Variants in TRABD2B observed in about 807,000 individuals in gnomAD.
TRABD2B encodes metalloprotease TIKI2.
TRABD2B carries 14 observed loss-of-function variants against 40.1 expected under a neutral mutation model. That is an observed-to-expected ratio of 0.35 (90% CI 0.23 to 0.55). The LOEUF is 0.55. Among genes scored for constraint, TRABD2B ranks in the 20% least tolerant of loss-of-function variants. The pLI, the probability that TRABD2B is intolerant of heterozygous loss-of-function variation, is 0.90. For missense variants in TRABD2B, 541 were observed against 648.6 expected (o/e 0.83, Z 1.80); for synonymous variants, 263 against 277.0 (o/e 0.95, Z 0.50).
At chr1:47,884,675 G>A (rs1299712602) in intron 2 of TRABD2B, among the ~76,000 whole-genome samples, 3 of 152,020 alleles carry the variant, frequency 2.0e-5, no homozygotes, top group African/African-American at 7.2e-5. Context: ...GTGCAGTGTT[G>A]CGATCTCGGC....
chr1:47,878,198 C>T (rs1317226415), intron 2 of TRABD2B, among the ~76,000 whole-genome samples: 1 of 152,176 alleles, frequency 6.6e-6, no homozygotes, highest in Non-Finnish European at 1.5e-5. Context: ...CACCTGTAAT[C>T]CCAGCTACTT....
intron 2 of TRABD2B, among the ~76,000 whole-genome samples, chr1:47,856,280 C>A (rs1443049194): frequency 6.6e-6 from 1 of 152,240 alleles, no homozygotes; most frequent in Non-Finnish European, 1.5e-5. Flanking sequence ...ATCTCTCTGC[C>A]TCCCTTGCCA....
intron 2 of TRABD2B, among the ~76,000 whole-genome samples, chr1:47,836,079 G>T (rs750299809): frequency 2.0e-5 from 3 of 152,142 alleles, no homozygotes; most frequent in Non-Finnish European, 4.4e-5. Flanking sequence ...ATATATTATT[G>T]TCATTAAGTT....
At chr1:47,991,306 C>A (rs943321439) in intron 2 of TRABD2B, among the ~76,000 whole-genome samples, 1 of 152,062 alleles carries the variant, frequency 6.6e-6, no homozygotes, top group African/African-American at 2.4e-5. Flanking sequence ...GTGCCTGGCA[C>A]GTGGAATTGA....
chr1:47,941,413 T>C (rs184434439), intron 2 of TRABD2B, among the ~76,000 whole-genome samples: 2 of 152,246 alleles, frequency 1.3e-5, no homozygotes, highest in African/African-American at 2.4e-5. Flanking sequence ...CTCGCAGACA[T>C]ACATGTACAC....
At position 47,765,954 on chromosome 1, in the gene TRABD2B, A is replaced by ATGG. The variant is rs1052993632; in HGVS notation, c.1499_1501dup (p.Ala500_Ile501insThr). On this transcript the variant is annotated inframe_insertion, in exon 7 of 7. Transcript: ENST00000606738. ...GAAGCAGACAGCGATGGTGGTGGCG[A>ATGG]TGGCGGGGAGAAGGCCCAGGGTGGG... The ATGG allele has an allele frequency of 6.1e-5, 43 of 702,734 alleles. No individual in the cohort carries two copies. Among genetic ancestry groups the ATGG allele is most frequent in the Non-Finnish European group, 1.1e-4 (41 of 384,948 alleles). The allele number at this position is 702,734 out of a possible 1,614,324, so 43.5% of individuals were successfully genotyped here.
chr1:47,872,087 T>G (rs1309160124), intron 2 of TRABD2B, among the ~76,000 whole-genome samples: 2 of 152,162 alleles, frequency 1.3e-5, no homozygotes, highest in African/African-American at 4.8e-5. Flanking sequence ...ACCAGGTGTG[T>G]GATGTGTCGG....
At chr1:47,921,729 G>C (rs142043417) in intron 2 of TRABD2B, among the ~76,000 whole-genome samples, 2 of 152,294 alleles carry the variant, frequency 1.3e-5, no homozygotes, top group Admixed American at 6.5e-5. Flanking sequence ...CTATGTGTGC[G>C]ATGGAGTGTG....
rs1263651050 is a variant in TRABD2B at position 47,966,181 on chromosome 1, G to A, written c.666+27853C>T. ...GGGCTGTGTGTTATGACGTCTGGAAGTGCCAGGGCAGGGGGCTGTGGGAAC... is the reference window on the plus strand; with the variant it reads ...GGGCTGTGTGTTATGACGTCTGGAAATGCCAGGGCAGGGGGCTGTGGGAAC... On this transcript the variant is annotated intron_variant, in intron 2 of 6. Transcript: ENST00000606738. Among the ~76,000 whole-genome samples the A allele has an allele frequency of 4.6e-5, 7 of 152,300 alleles. No homozygotes were observed. In the East Asian group the frequency reaches 1.2e-3, roughly 25 times the overall value.
chr1:47,808,430 G>C (rs923867944), intron 2 of TRABD2B, among the ~76,000 whole-genome samples: 4 of 152,140 alleles, frequency 2.6e-5, no homozygotes, highest in African/African-American at 9.7e-5. Context: ...AAATAAAGCA[G>C]TAAATTGGAT....
chr1:47,856,464 T>A (rs1238948915), intron 2 of TRABD2B, among the ~76,000 whole-genome samples: 1 of 152,226 alleles, frequency 6.6e-6, no homozygotes, highest in African/African-American at 2.4e-5. Flanking sequence ...ATTTAGGATA[T>A]GTTTGGGCTT....
intron 2 of TRABD2B, among the ~76,000 whole-genome samples, chr1:47,846,881 C>CAG (rs1645478579): frequency 6.6e-6 from 1 of 151,796 alleles, no homozygotes; most frequent in Non-Finnish European, 1.5e-5. Flanking sequence ...CACACACACA[C>CAG]ACACACACAC....
intron 2 of TRABD2B, among the ~76,000 whole-genome samples, chr1:47,930,582 T>C (rs1471740641): frequency 6.6e-6 from 1 of 152,216 alleles, no homozygotes; most frequent in Admixed American, 6.5e-5. Context: ...CAGAACTGGC[T>C]GTGTGACAGG....
intron 2 of TRABD2B, among the ~76,000 whole-genome samples, chr1:47,935,235 AC>A (rs2148348749): frequency 6.6e-6 from 1 of 152,356 alleles, no homozygotes; most frequent in South Asian, 2.1e-4. Context: ...GGAGAAAGGC[AC>A]TATCCTTATC....
chr1:47,761,924 C>T lies in TRABD2B; in HGVS notation c.*3978G>A, dbSNP rs1644248145. ...CTCTCTACACATCTGTTGAGCACCA[C>T]CTTTGTGTCAGATGAGGGTACAAAA... On this transcript the variant is annotated 3_prime_UTR_variant, in exon 7 of 7. Coordinates refer to ENST00000606738, the MANE Select transcript of TRABD2B (RefSeq NM_001194986.2). The T allele has an allele frequency of 6.6e-6, 1 of 152,180 alleles. No homozygotes were observed. The highest frequency in any genetic ancestry group is 6.5e-5 in the Admixed American group (1 of 15,274). 9.4% of individuals were successfully genotyped at this position (152,180 alleles called of 1,614,324 possible).
intron 2 of TRABD2B, among the ~76,000 whole-genome samples, chr1:47,972,298 C>T (rs1417560907): frequency 1.3e-5 from 2 of 152,184 alleles, no homozygotes; most frequent in African/African-American, 4.8e-5. Flanking sequence ...GCAGCAGTAT[C>T]CACCTACTTT....
At chr1:47,974,533 T>C (rs1269873885) in intron 2 of TRABD2B, among the ~76,000 whole-genome samples, 1 of 152,214 alleles carries the variant, frequency 6.6e-6, no homozygotes, top group Non-Finnish European at 1.5e-5. Context: ...GACCTAAAAT[T>C]ATTTATTAAT....
chr1:47,764,250 GCCT>G lies in TRABD2B; in HGVS notation c.*1649_*1651del, dbSNP rs1644274992. The G allele has an allele frequency of 6.6e-6, 1 of 152,282 alleles. No individual in the cohort carries two copies. The highest frequency in any genetic ancestry group is 2.4e-5 in the African/African-American group (1 of 41,476). The allele number at this position is 152,282 out of a possible 1,614,324, so 9.4% of individuals were successfully genotyped here. A position where few individuals can be genotyped will look rare whatever the true frequency, so the allele number is the denominator to read the frequency against. ...GTCAGCAGGCCCACCCGGCTGTGCA[GCCT>G]TGGAGAAGTGTCTCCTCTCTGTGGG... On this transcript the variant is annotated 3_prime_UTR_variant, in exon 7 of 7. Transcript: ENST00000606738.
chr1:47,825,026 G>A (rs564959266), intron 2 of TRABD2B, among the ~76,000 whole-genome samples: 7 of 152,288 alleles, frequency 4.6e-5, no homozygotes, highest in Admixed American at 2.0e-4. Flanking sequence ...TTTTACCCAC[G>A]GGGGAATCTC....
Sources: allele counts gnomAD v4.1 joint callset (sites outside exome capture counted in the v4.1 genomes callset), GRCh38; gene constraint gnomAD v4.1.1; transcripts MANE v1.5; gene names NCBI Gene and HGNC (gene_info 2026-07-23, HGNC 2026-07-21).